Variants in NBAS observed in about 807,000 individuals in gnomAD.
NBAS encodes the protein NAG/BC035112 fusion.
In NBAS, 219 loss-of-function variants were observed where a neutral mutation model predicts 302.5. That is an observed-to-expected ratio of 0.72 (90% confidence interval 0.65 to 0.81). The LOEUF (loss-of-function observed/expected upper bound fraction) is 0.81. Among genes scored for constraint, NBAS ranks in the 30% least tolerant of loss-of-function variants. The pLI is 0.00. For synonymous variants in NBAS, 1,118 were observed against 1,021.6 expected (o/e 1.09, Z -1.80); for missense variants, 2,932 against 2,841.6 (o/e 1.03, Z -0.72).
At chr2:15,340,425 G>A (rs1641436479) in intron 35 of NBAS, among the ~76,000 whole-genome samples, 1 of 152,098 alleles carries the variant, frequency 6.6e-6, no homozygotes, top group Non-Finnish European at 1.5e-5. Flanking sequence ...GCAGAAAGAA[G>A]GTCATTGTTT....
At chr2:15,069,255 G>A in the NBAS span, among the ~76,000 whole-genome samples, 3 of 152,328 alleles carry the variant, frequency 2.0e-5, no homozygotes, top group African/African-American at 7.2e-5. Context: ...GCCTCTTTAA[G>A]TCTGACTTGT....
chr2:15,160,595 G>C, the NBAS span, among the ~76,000 whole-genome samples: 1 of 131,096 alleles, frequency 7.6e-6, no homozygotes, highest in Non-Finnish European at 1.6e-5. Flanking sequence ...CGGGGGGAGG[G>C]GGGGGGGCAG....
the NBAS span, among the ~76,000 whole-genome samples, chr2:15,068,751 A>G: frequency 6.6e-6 from 1 of 152,222 alleles, no homozygotes; most frequent in Non-Finnish European, 1.5e-5. Flanking sequence ...AAACAGTGCA[A>G]TTTCCTGGCT....
At chr2:15,214,849 A>G (rs1056970563) in intron 48 of NBAS, among the ~76,000 whole-genome samples, 1 of 152,206 alleles carries the variant, frequency 6.6e-6, no homozygotes, top group South Asian at 2.1e-4. Flanking sequence ...TAGGCAAAAT[A>G]CATGCATTTG....
At chr2:15,411,346 A>G (rs1676678288) in intron 25 of NBAS, among the ~76,000 whole-genome samples, 1 of 152,102 alleles carries the variant, frequency 6.6e-6, no homozygotes, top group Admixed American at 6.5e-5. Flanking sequence ...GTATTTCTCT[A>G]ACTTCTACCC....
intron 44 of NBAS, among the ~76,000 whole-genome samples, chr2:15,245,864 T>C (rs1019661245): frequency 2.0e-5 from 3 of 152,164 alleles, no homozygotes; most frequent in African/African-American, 4.8e-5. Flanking sequence ...GTTTGTTTGG[T>C]TGGTTGGCTG....
the NBAS span, among the ~76,000 whole-genome samples, chr2:15,030,344 A>T: frequency 6.6e-6 from 1 of 152,224 alleles, no homozygotes; most frequent in Admixed American, 6.5e-5. Context: ...TGAAGTTTGG[A>T]TTCTGTAGGT....
chr2:15,270,828 A>C (rs943647037), intron 44 of NBAS, among the ~76,000 whole-genome samples: 3 of 152,228 alleles, frequency 2.0e-5, no homozygotes, highest in African/African-American at 7.2e-5. Context: ...ATGGAAAATA[A>C]TACCATATAT....
chr2:15,432,521 G>A (rs1243779211), intron 21 of NBAS, among the ~76,000 whole-genome samples: 1 of 152,036 alleles, frequency 6.6e-6, no homozygotes, highest in Non-Finnish European at 1.5e-5. Context: ...AAATATAAAT[G>A]TTTTATTTCA....
At chr2:15,282,940 C>T (rs1213883486) in intron 42 of NBAS, among the ~76,000 whole-genome samples, 3 of 152,084 alleles carry the variant, frequency 2.0e-5, no homozygotes, top group Admixed American at 2.0e-4. Context: ...CAGCTCTTTC[C>T]TCCTCACATC....
chr2:15,415,166 A>G (rs1221659781), intron 25 of NBAS, among the ~76,000 whole-genome samples: 3 of 152,136 alleles, frequency 2.0e-5, no homozygotes, highest in Non-Finnish European at 4.4e-5. Context: ...ACTTTATATC[A>G]CAATTTTCAT....
At chr2:15,097,840 G>C in the NBAS span, among the ~76,000 whole-genome samples, 1 of 143,944 alleles carries the variant, frequency 6.9e-6, no homozygotes, top group African/African-American at 2.6e-5. Context: ...TAGAGATTAA[G>C]TCAGATAATA....
chr2:15,340,805 C>T (rs1337495284), intron 35 of NBAS, among the ~76,000 whole-genome samples: 1 of 152,020 alleles, frequency 6.6e-6, no homozygotes, highest in Non-Finnish European at 1.5e-5. Flanking sequence ...CGAGATGTCC[C>T]TGAAACAAGT....
chr2:15,238,824 T>C (rs1242065003), intron 44 of NBAS, 138 bp from the exon 45 acceptor site: 3 of 714,996 alleles, frequency 4.2e-6, no homozygotes, highest in Non-Finnish European at 6.6e-6. Flanking sequence ...GTTATACTAG[T>C]TTTTCTTCTG....
chr2:15,511,783 A>G (rs369568902), intron 9 of NBAS, among the ~76,000 whole-genome samples: 3 of 152,226 alleles, frequency 2.0e-5, no homozygotes, highest in African/African-American at 7.2e-5. Context: ...ACTGAATGGG[A>G]AAGAACCACA....
At chr2:15,313,284 T>C (rs1169500271) in intron 38 of NBAS, among the ~76,000 whole-genome samples, 1 of 152,220 alleles carries the variant, frequency 6.6e-6, no homozygotes, top group African/African-American at 2.4e-5. Flanking sequence ...AAAACACAAA[T>C]ACATATAATT....
chr2:15,140,976 T>C, the NBAS span, among the ~76,000 whole-genome samples: 12 of 152,200 alleles, frequency 7.9e-5, no homozygotes, highest in South Asian at 2.1e-4. Context: ...TTAGAGAAAA[T>C]GTATAGGATA....
chr2:15,448,558 T>A (rs1431815785), intron 21 of NBAS, among the ~76,000 whole-genome samples: 1 of 152,172 alleles, frequency 6.6e-6, no homozygotes. Flanking sequence ...TACTACTACC[T>A]CTCCACATTA....
chr2:15,527,357 A>G (rs1436199937), intron 9 of NBAS, among the ~76,000 whole-genome samples: 2 of 152,200 alleles, frequency 1.3e-5, no homozygotes, highest in Admixed American at 6.5e-5. Flanking sequence ...ATCTGTTTGT[A>G]CTACCATAAC....
Sources: gnomAD v4.1 joint callset for allele counts (sites outside exome capture counted in the v4.1 genomes callset) on GRCh38, gnomAD v4.1.1 for gene constraint, MANE v1.5 for transcripts, NCBI Gene and HGNC (gene_info 2026-07-23, HGNC 2026-07-21) for gene names.